Variants in DSCAM observed in about 807,000 individuals in gnomAD.
The protein encoded by DSCAM is cell adhesion molecule DSCAM.
A neutral mutation model predicts 217.7 loss-of-function variants in DSCAM; 47 were observed. The observed-to-expected ratio is 0.22, with a 90% CI of 0.17 to 0.28. The LOEUF (loss-of-function observed/expected upper bound fraction) is 0.28, where lower values mean the gene tolerates loss of function less well. Ranked by LOEUF, DSCAM falls within the 10% of genes least tolerant of loss-of-function variation. DSCAM has a pLI of 1.00. For missense variants in DSCAM, 2,080 were observed against 2,618.3 expected (o/e 0.79, Z 4.49); for synonymous variants, 1,056 against 1,015.3 (o/e 1.04, Z -0.76).
intron 3 of DSCAM, among the ~76,000 whole-genome samples, chr21:40,552,285 G>A (rs1404766969): frequency 6.6e-6 from 1 of 151,222 alleles, no homozygotes; most frequent in Admixed American, 6.6e-5. Context: ...CTATACTCCA[G>A]CTTGGGCAAC....
intron 3 of DSCAM, among the ~76,000 whole-genome samples, chr21:40,485,491 C>G (rs906320161): frequency 1.3e-5 from 2 of 152,006 alleles, no homozygotes; most frequent in African/African-American, 2.4e-5. Context: ...ATCCGCCCGC[C>G]TCGGCCTCCC....
intron 1 of DSCAM, among the ~76,000 whole-genome samples, chr21:40,817,510 G>T (rs1014212538): frequency 5.9e-5 from 9 of 152,216 alleles, no homozygotes; most frequent in South Asian, 2.1e-4. Flanking sequence ...GTGCAGGAGA[G>T]CGCCCTGTTT....
intron 1 of DSCAM, among the ~76,000 whole-genome samples, chr21:40,770,806 A>G (rs946185521): frequency 2.0e-5 from 3 of 152,224 alleles, no homozygotes; most frequent in African/African-American, 7.2e-5. Context: ...AGAAGAACAG[A>G]GCTTCAAAGC....
chr21:40,380,569 G>A (rs2075009833), intron 3 of DSCAM, among the ~76,000 whole-genome samples: 1 of 152,182 alleles, frequency 6.6e-6, no homozygotes, highest in Non-Finnish European at 1.5e-5. Flanking sequence ...GAGAAGAGCT[G>A]TTTAGATGGT....
chr21:40,095,377 G>T (rs1380909929), intron 20 of DSCAM, among the ~76,000 whole-genome samples: 1 of 152,180 alleles, frequency 6.6e-6, no homozygotes, highest in Non-Finnish European at 1.5e-5. Flanking sequence ...AGAAAGGAAT[G>T]AAGTACTGAT....
Position 40,016,842 on chromosome 21 carries a change from T to C in DSCAM, c.5687-3456A>G, listed in dbSNP as rs921789984. 1.3e-5 allele frequency among the ~76,000 whole-genome samples: 2 copies of C among 152,152 alleles called. No individual in the cohort carries two copies. The highest frequency in any genetic ancestry group is 6.6e-5 in the Admixed American group (1 of 15,264). On this transcript the variant is annotated intron_variant, in intron 32 of 32. Coordinates refer to ENST00000400454, the MANE Select transcript of DSCAM (RefSeq NM_001389.5). This position sits in a 1 kb window ranked among gnomAD's most constrained non-coding sequence, Gnocchi z 4.3. ...AGAAGGAAAGGACTATTCAAGAGTATAAGAGAACTGGCCTGTAATCCCCGC... is the reference window on the plus strand; with the variant it reads ...AGAAGGAAAGGACTATTCAAGAGTACAAGAGAACTGGCCTGTAATCCCCGC...
chr21:40,273,852 A>G (rs2073652175), intron 11 of DSCAM, among the ~76,000 whole-genome samples: 1 of 152,142 alleles, frequency 6.6e-6, no homozygotes, highest in African/African-American at 2.4e-5. Flanking sequence ...TCCCTTCGAT[A>G]AGGACACTAA....
At chr21:40,453,964 T>C (rs1295254114) in intron 3 of DSCAM, among the ~76,000 whole-genome samples, 1 of 152,010 alleles carries the variant, frequency 6.6e-6, no homozygotes, top group Non-Finnish European at 1.5e-5. Context: ...ACTATTCTAC[T>C]CTCCAACAGG....
intron 11 of DSCAM, among the ~76,000 whole-genome samples, chr21:40,258,917 C>G (rs2073410357): frequency 6.6e-6 from 1 of 152,226 alleles, no homozygotes. Context: ...ATAAACGACC[C>G]TGTCTCCTTT....
At chr21:40,765,380 G>A (rs932404134) in intron 1 of DSCAM, among the ~76,000 whole-genome samples, 4 of 152,030 alleles carry the variant, frequency 2.6e-5, no homozygotes, top group Non-Finnish European at 5.9e-5. Context: ...GGGGCCTTTT[G>A]GTCTCCATCA....
intron 3 of DSCAM, among the ~76,000 whole-genome samples, chr21:40,671,500 TC>T (rs147341396): frequency 6.6e-6 from 1 of 150,674 alleles, no homozygotes; most frequent in Non-Finnish European, 1.5e-5. Context: ...ATAGTGAAAC[TC>T]CCCCCCCGCA....
chr21:40,204,067 G>A (rs1451937639), intron 11 of DSCAM, among the ~76,000 whole-genome samples: 1 of 152,200 alleles, frequency 6.6e-6, no homozygotes, highest in Non-Finnish European at 1.5e-5. Flanking sequence ...GGTGTTTTAA[G>A]TGCTAACTTT....
intron 16 of DSCAM, among the ~76,000 whole-genome samples, chr21:40,159,232 T>G (rs2146754948): frequency 6.6e-6 from 1 of 152,318 alleles, no homozygotes; most frequent in Middle Eastern, 3.4e-3. Context: ...ATGTAATTCT[T>G]GATTGGATAT....
intron 3 of DSCAM, among the ~76,000 whole-genome samples, chr21:40,468,170 G>A (rs2145962044): frequency 6.6e-6 from 1 of 152,134 alleles, no homozygotes; most frequent in East Asian, 1.9e-4. Flanking sequence ...TTTATCTTAT[G>A]TAAAAATAAA....
chr21:40,062,908 A>G lies in DSCAM; in HGVS notation c.4889-9T>C. On this transcript the variant is annotated splice_polypyrimidine_tract_variant and intron_variant, in intron 27 of 32. Transcript: ENST00000400454. Reference sequence around the variant, plus strand: ...AGCTAAACTCTTTGCATCTGGGGAAAGAAAGTTAACATTAGTACATGGTAA... The same window carrying G: ...AGCTAAACTCTTTGCATCTGGGGAAGGAAAGTTAACATTAGTACATGGTAA... 1.3e-6 allele frequency: 2 copies of G among 1,599,414 alleles called. No individual in the cohort carries two copies. The highest frequency in any genetic ancestry group is 1.7e-4 in the Middle Eastern group (1 of 6,022).
chr21:40,244,658 C>T (rs879710816), intron 11 of DSCAM, among the ~76,000 whole-genome samples: 6 of 152,124 alleles, frequency 3.9e-5, no homozygotes, highest in Non-Finnish European at 8.8e-5. Context: ...GCACCTTCTG[C>T]TTCATGGTCC....
intron 11 of DSCAM, among the ~76,000 whole-genome samples, chr21:40,256,424 C>G (rs200335960): frequency 0.052 from 7,412 of 143,116 alleles, 420 homozygotes; most frequent in East Asian, 0.21. Flanking sequence ...GAGAGAGAGA[C>G]AGAGAGAGAG....
chr21:40,576,676 A>G (rs2076852984), intron 3 of DSCAM, among the ~76,000 whole-genome samples: 1 of 152,078 alleles, frequency 6.6e-6, no homozygotes, highest in African/African-American at 2.4e-5. Context: ...AAAATCAACA[A>G]AATTTAATAC....
At chr21:40,797,925 A>G (rs1253218635) in intron 1 of DSCAM, among the ~76,000 whole-genome samples, 3 of 151,888 alleles carry the variant, frequency 2.0e-5, no homozygotes, top group African/African-American at 7.3e-5. Flanking sequence ...TGTACTAAGA[A>G]TTTTATCTTG....
Sources: allele counts gnomAD v4.1 joint callset (sites outside exome capture counted in the v4.1 genomes callset), GRCh38; gene constraint gnomAD v4.1.1; non-coding constraint Gnocchi (gnomAD v3.1); transcripts MANE v1.5; gene names NCBI Gene and HGNC (gene_info 2026-07-23, HGNC 2026-07-21).